The following WWC2 variants were observed in gnomAD, a reference collection of about 807,000 sequenced individuals.
The protein encoded by WWC2 is protein WWC2.
In WWC2, 101 loss-of-function variants were observed where a neutral mutation model predicts 138.5. The ratio of observed to expected loss-of-function variants is 0.73; its 90% CI spans 0.62 to 0.86. The LOEUF is 0.86. Ranked by LOEUF, WWC2 falls within the 40% of genes least tolerant of loss-of-function variation. The probability of loss-of-function intolerance (pLI) is 0.00; values close to 1 mark genes in which losing one functional copy is unlikely to be tolerated. For synonymous variants in WWC2, 558 were observed against 538.4 expected, an observed-to-expected ratio of 1.04 and a Z score of -0.50; for missense variants, 1,420 against 1,419.4, an observed-to-expected ratio of 1.00 and a Z score of -0.01.
intron 4 of WWC2, among the ~76,000 whole-genome samples, chr4:183,211,511 T>G (rs192755416): frequency 6.6e-6 from 1 of 152,216 alleles, no homozygotes; most frequent in Non-Finnish European, 1.5e-5. Flanking sequence ...TTGAGCTGAC[T>G]GTAGCCTGGG....
intron 4 of WWC2, among the ~76,000 whole-genome samples, chr4:183,237,524 G>A (rs960581538): frequency 6.6e-6 from 1 of 152,052 alleles, no homozygotes; most frequent in Non-Finnish European, 1.5e-5. Context: ...TGTTCAGGTA[G>A]CCTTCTCCAG....
At chr4:183,251,152 T>C (rs1264334957) in intron 8 of WWC2, among the ~76,000 whole-genome samples, 2 of 152,184 alleles carry the variant, frequency 1.3e-5, no homozygotes, top group African/African-American at 4.8e-5. Flanking sequence ...TTTCTTCAGG[T>C]TAGGGAAAAA....
intron 21 of WWC2, among the ~76,000 whole-genome samples, chr4:183,311,467 C>T (rs1413731487): frequency 2.0e-5 from 3 of 152,182 alleles, no homozygotes; most frequent in East Asian, 1.9e-4. Flanking sequence ...ATGCTGGGAA[C>T]CCTCGGGGCA....
intron 1 of WWC2, among the ~76,000 whole-genome samples, chr4:183,165,177 G>A (rs1292361447): frequency 1.3e-5 from 2 of 152,090 alleles, no homozygotes; most frequent in Non-Finnish European, 2.9e-5. Flanking sequence ...CAGGGAGTAC[G>A]GGATTAGAGA....
Position 183,306,709 on chromosome 4 carries a change from T to C in WWC2, c.3385-5632T>C, listed in dbSNP as rs560530549. On this transcript the variant is annotated intron_variant, in intron 21 of 22. Coordinates refer to ENST00000403733, the MANE Select transcript of WWC2 (RefSeq NM_024949.6). The stretch of plus-strand genomic sequence containing the variant: ...ACCCAGTTAATTTTTGTATTTTTAG[T>C]AGAGACGGGGTTTTGCCATGTTGGC... Among the ~76,000 whole-genome samples, 233 of 152,120 alleles carry C rather than the reference T, an allele frequency of 1.5e-3. 1 individual carries two copies. The highest frequency in any genetic ancestry group is 5.3e-3 in the African/African-American group (220 of 41,512).
In WWC2 at chr4:183,204,364, G is replaced by A. The variant is rs114279775; in HGVS notation, c.242-3589G>A. Among the ~76,000 whole-genome samples, 669 of 152,246 alleles carry A rather than the reference G, an allele frequency of 4.4e-3. 4 individuals carry two copies. The highest frequency in any genetic ancestry group is 0.016 in the African/African-American group (652 of 41,546). On this transcript the variant is annotated intron_variant, in intron 2 of 22. Transcript: ENST00000403733. ...ACAAAGGCTGCATCAGAAAATATTC[G>A]TCCATATTTCAGCCTCTTTTTACAA...
In WWC2 at chr4:183,316,717, AAAAAC is replaced by A. The variant is rs1739452523; in HGVS notation, c.*992_*996del. On this transcript the variant is annotated 3_prime_UTR_variant, in exon 23 of 23. Coordinates refer to ENST00000403733, the MANE Select transcript of WWC2 (RefSeq NM_024949.6). ...ATGTCTTGATAGAATCAAAGTTGCC[AAAAAC>A]AAAGAAGAGTTTATCAAGCAGATTT... is the stretch of plus-strand genomic sequence containing the variant. The A allele has an allele frequency of 6.6e-6, 1 of 152,360 alleles. No homozygotes were observed. Among genetic ancestry groups the A allele is most frequent in the South Asian group, 2.1e-4 (1 of 4,824 alleles). The allele number at this position is 152,360 out of a possible 1,614,324, so 9.4% of individuals were successfully genotyped here. A position where few individuals can be genotyped will look rare whatever the true frequency, so the allele number is the denominator to read the frequency against.
chr4:183,206,032 A>C (rs1735437179), intron 2 of WWC2, among the ~76,000 whole-genome samples: 1 of 152,042 alleles, frequency 6.6e-6, no homozygotes, highest in Admixed American at 6.6e-5. Context: ...GCTTCCGTGA[A>C]ATCTGCTTCC....
intron 1 of WWC2, among the ~76,000 whole-genome samples, chr4:183,139,138 G>A (rs917160175): frequency 6.6e-6 from 1 of 152,184 alleles, no homozygotes; most frequent in Admixed American, 6.5e-5. Context: ...CAGACTGCAG[G>A]ATCACAGTGG....
Position 183,175,181 on chromosome 4 carries a change from T to C in WWC2, c.132-18418T>C, listed in dbSNP as rs1250699980. The stretch of plus-strand genomic sequence containing the variant: ...AAATTAAAAAAATAGTTCCATAACA[T>C]CATTTAACATCTAGCATGTCTAACA... On this transcript the variant is annotated intron_variant, in intron 1 of 22. Coordinates refer to ENST00000403733, the MANE Select transcript of WWC2 (RefSeq NM_024949.6). Among the ~76,000 whole-genome samples, 4 of 152,232 alleles carry C rather than the reference T, an allele frequency of 2.6e-5. 1 individual carries two copies. Among genetic ancestry groups the C allele is most frequent in the Admixed American group, 2.6e-4 (4 of 15,282 alleles).
intron 1 of WWC2, among the ~76,000 whole-genome samples, chr4:183,103,579 C>T (rs1427031872): frequency 1.3e-5 from 2 of 150,714 alleles, no homozygotes; most frequent in African/African-American, 2.4e-5. Flanking sequence ...CTGTCTGCCT[C>T]GGCCTCCCAA....
intron 1 of WWC2, among the ~76,000 whole-genome samples, chr4:183,110,580 T>C (rs1319225545): frequency 6.6e-6 from 1 of 152,144 alleles, no homozygotes; most frequent in Admixed American, 6.5e-5. Flanking sequence ...AGCTGTTTTT[T>C]CACTCCTGTA....
chr4:183,186,423 A>G (rs975910981), intron 1 of WWC2, among the ~76,000 whole-genome samples: 1 of 152,174 alleles, frequency 6.6e-6, no homozygotes, highest in Non-Finnish European at 1.5e-5. Flanking sequence ...AAATTCTATG[A>G]TAGGGCCTCC....
At chr4:183,125,398 T>A (rs946599946) in intron 1 of WWC2, among the ~76,000 whole-genome samples, 7 of 152,236 alleles carry the variant, frequency 4.6e-5, no homozygotes, top group Non-Finnish European at 1.0e-4. Flanking sequence ...AAGTAAATTC[T>A]TTATCATTTA....
intron 2 of WWC2, among the ~76,000 whole-genome samples, chr4:183,206,557 A>C (rs1735452437): frequency 6.6e-6 from 1 of 152,246 alleles, no homozygotes; most frequent in Non-Finnish European, 1.5e-5. Flanking sequence ...ATAGTTTAAC[A>C]AATATTTTAG....
At chr4:183,185,824 G>T (rs1312444085) in intron 1 of WWC2, among the ~76,000 whole-genome samples, 1 of 151,976 alleles carries the variant, frequency 6.6e-6, no homozygotes, top group Non-Finnish European at 1.5e-5. Context: ...TACCTACTTT[G>T]CAGAGTTTTA....
intron 7 of WWC2, among the ~76,000 whole-genome samples, 172 bp downstream of exon 7, chr4:183,249,032 T>A (rs1179187508): frequency 1.3e-5 from 2 of 152,096 alleles, no homozygotes; most frequent in Non-Finnish European, 2.9e-5. Flanking sequence ...ATCTTTTCTA[T>A]CTAGGTGCCA....
chr4:183,244,880 G>C (rs1286251734), intron 5 of WWC2, among the ~76,000 whole-genome samples: 1 of 152,068 alleles, frequency 6.6e-6, no homozygotes. Context: ...CATTCAAACA[G>C]ATTGAAGGCA....
chr4:183,197,455 A>G (rs1194417635), intron 2 of WWC2, among the ~76,000 whole-genome samples: 1 of 152,280 alleles, frequency 6.6e-6, no homozygotes, highest in Non-Finnish European at 1.5e-5. Flanking sequence ...AAAAAATGAA[A>G]TAAGGAATGT....
Sources: gnomAD v4.1 joint callset for allele counts (sites outside exome capture counted in the v4.1 genomes callset) on GRCh38, gnomAD v4.1.1 for gene constraint, MANE v1.5 for transcripts, NCBI Gene and HGNC (gene_info 2026-07-23, HGNC 2026-07-21) for gene names.